XIRP2: variants seen among roughly 807,000 people sequenced by gnomAD.
XIRP2 encodes xin actin binding repeat containing 2.
A neutral mutation model predicts 277.0 loss-of-function variants in XIRP2; 236 were observed. That is an observed-to-expected ratio of 0.85 (90% confidence interval 0.77 to 0.95). The LOEUF is 0.95. Ranked by LOEUF, XIRP2 falls within the 40% of genes least tolerant of loss-of-function variation. XIRP2 has a pLI of 0.00. For synonymous variants in XIRP2, 1,490 were observed against 1,416.5 expected (o/e 1.05, Z -1.17); for missense variants, 4,640 against 4,157.5 (o/e 1.12, Z -3.19).
At chr2:166,905,286 T>C (rs893776190) in intron 2 of XIRP2, among the ~76,000 whole-genome samples, 1 of 151,978 alleles carries the variant, frequency 6.6e-6, no homozygotes, top group African/African-American at 2.4e-5. Context: ...TTTACTGTAA[T>C]AATTTTGAAT....
At chr2:167,115,881 T>G (rs188658365) in intron 2 of XIRP2, among the ~76,000 whole-genome samples, 232 of 152,322 alleles carry the variant, frequency 1.5e-3, no homozygotes, top group South Asian at 1.9e-3. Context: ...TGAGACTTCC[T>G]TTTTGATCCA....
At chr2:167,125,669 C>T (rs1211855861) in intron 2 of XIRP2, among the ~76,000 whole-genome samples, 7 of 152,232 alleles carry the variant, frequency 4.6e-5, no homozygotes, top group Non-Finnish European at 8.8e-5. Flanking sequence ...CCTCATTTTT[C>T]GTATTTCTGA....
intron 2 of XIRP2, among the ~76,000 whole-genome samples, chr2:166,981,039 TGCCC>T: frequency 6.6e-6 from 1 of 152,210 alleles, no homozygotes; most frequent in Non-Finnish European, 1.5e-5. Flanking sequence ...GTATGTTTAC[TGCCC>T]TCCAACTTGA....
intron 2 of XIRP2, among the ~76,000 whole-genome samples, chr2:166,922,339 A>G (rs1348718762): frequency 2.0e-5 from 3 of 152,136 alleles, no homozygotes; most frequent in Non-Finnish European, 4.4e-5. Flanking sequence ...AGAAAATGTT[A>G]CATAATAATC....
chr2:166,895,020 A>C (rs922627933), intron 1 of XIRP2, among the ~76,000 whole-genome samples: 1 of 152,118 alleles, frequency 6.6e-6, no homozygotes, highest in African/African-American at 2.4e-5. Context: ...CAGCCTTTGC[A>C]AAGGTCCTGT....
chr2:167,024,063 T>A (rs562092630), intron 2 of XIRP2, among the ~76,000 whole-genome samples: 37 of 152,128 alleles, frequency 2.4e-4, no homozygotes, highest in African/African-American at 8.4e-4. Context: ...GCCATTTTCA[T>A]GATATTGATT....
At chr2:167,138,452 T>TC in intron 3 of XIRP2, among the ~76,000 whole-genome samples, 1 of 152,274 alleles carries the variant, frequency 6.6e-6, no homozygotes, top group South Asian at 2.1e-4. Flanking sequence ...GATGATACAC[T>TC]CCCAGGTTCC....
At chr2:167,214,531 C>T (rs1339624617) in intron 4 of XIRP2, among the ~76,000 whole-genome samples, 1 of 149,580 alleles carries the variant, frequency 6.7e-6, no homozygotes, top group Non-Finnish European at 1.5e-5. Context: ...GTAATGTAGT[C>T]TGTTTCTAAA....
At chr2:167,106,602 A>C (rs1690625776) in intron 2 of XIRP2, among the ~76,000 whole-genome samples, 1 of 151,700 alleles carries the variant, frequency 6.6e-6, no homozygotes, top group African/African-American at 2.4e-5. Flanking sequence ...TTCTTAAAAT[A>C]AATCTTAAAA....
At chr2:167,240,186 G>T (rs1439116658) in intron 6 of XIRP2, among the ~76,000 whole-genome samples, 2 of 152,040 alleles carry the variant, frequency 1.3e-5, no homozygotes, top group African/African-American at 4.8e-5. Flanking sequence ...GGCCGAGGCA[G>T]GCAGATCATG....
chr2:167,183,748 T>A (rs533456674), intron 3 of XIRP2, among the ~76,000 whole-genome samples: 8 of 141,808 alleles, frequency 5.6e-5, no homozygotes, highest in Non-Finnish European at 1.2e-4. Flanking sequence ...CCTTGAAAAG[T>A]TTTTTTTTTT....
chr2:167,128,220 T>C (rs1475446379), intron 2 of XIRP2, among the ~76,000 whole-genome samples: 3 of 152,218 alleles, frequency 2.0e-5, no homozygotes, highest in Non-Finnish European at 4.4e-5. Context: ...CCCTTCTCAC[T>C]ATCCTAATGT....
intron 2 of XIRP2, among the ~76,000 whole-genome samples, chr2:167,070,594 A>G (rs991089367): frequency 6.6e-6 from 1 of 152,230 alleles, no homozygotes; most frequent in Non-Finnish European, 1.5e-5. Flanking sequence ...TAAAATGGCC[A>G]TAGTAGCTCA....
chr2:167,027,832 A>G (rs545891381), intron 2 of XIRP2, among the ~76,000 whole-genome samples: 7 of 152,194 alleles, frequency 4.6e-5, no homozygotes, highest in African/African-American at 1.7e-4. Context: ...CTAAATAGGG[A>G]AAAGAATTCA....
chr2:166,968,275 A>G (rs1686480815), intron 2 of XIRP2, among the ~76,000 whole-genome samples: 1 of 151,954 alleles, frequency 6.6e-6, no homozygotes, highest in African/African-American at 2.4e-5. Flanking sequence ...AATCTTTTAC[A>G]TTCCAAGTTT....
chr2:167,221,900 G>C (rs1457232443), intron 5 of XIRP2, among the ~76,000 whole-genome samples: 4 of 152,152 alleles, frequency 2.6e-5, no homozygotes, highest in African/African-American at 4.8e-5. Flanking sequence ...CTGGATTTCT[G>C]ACAATATTTA....
intron 2 of XIRP2, among the ~76,000 whole-genome samples, chr2:166,910,918 C>T (rs191806391): frequency 1.8e-4 from 27 of 152,184 alleles, no homozygotes; most frequent in African/African-American, 6.0e-4. Context: ...TGTAGTTGAG[C>T]GGTTTTGAGT....
At chr2:167,038,249 A>G (rs1399337468) in intron 2 of XIRP2, among the ~76,000 whole-genome samples, 1 of 151,980 alleles carries the variant, frequency 6.6e-6, no homozygotes, top group Non-Finnish European at 1.5e-5. Flanking sequence ...ACTTGGGATT[A>G]TATGTAAGTT....
At chr2:167,043,151 A>C (rs1309520655) in intron 2 of XIRP2, among the ~76,000 whole-genome samples, 1 of 152,182 alleles carries the variant, frequency 6.6e-6, no homozygotes, top group African/African-American at 2.4e-5. Context: ...CAAAGGTATA[A>C]TGTACCAGAA....
Sources: gnomAD v4.1 joint callset for allele counts (sites outside exome capture counted in the v4.1 genomes callset) on GRCh38, gnomAD v4.1.1 for gene constraint, MANE v1.5 for transcripts, NCBI Gene and HGNC (gene_info 2026-07-23, HGNC 2026-07-21) for gene names.